The following MCM2 variants were observed in gnomAD, a reference collection of about 807,000 sequenced individuals.
MCM2 encodes DNA replication licensing factor MCM2.
MCM2 carries 49 observed loss-of-function variants against 86.4 expected under a neutral mutation model. The ratio of observed to expected loss-of-function variants is 0.57; its 90% CI spans 0.45 to 0.72. MCM2 has a LOEUF of 0.72. Among genes scored for constraint, MCM2 ranks in the 30% least tolerant of loss-of-function variants. The pLI is 0.00. For missense variants in MCM2, 1,038 were observed against 1,259.9 expected (o/e 0.82, Z 2.67); for synonymous variants, 475 against 484.6 (o/e 0.98, Z 0.26).
chr3:127,609,997 A>C (rs1383413280), intron 8 of MCM2, among the ~76,000 whole-genome samples: 1 of 151,740 alleles, frequency 6.6e-6, no homozygotes, highest in African/African-American at 2.4e-5. Context: ...GGCACACATC[A>C]CCGCACCTGA....
chr3:127,604,893 C>T lies in MCM2; in HGVS notation c.413-3C>T, dbSNP rs1271487161. The stretch of plus-strand genomic sequence containing the variant: ...CAGTAGCAGGTGTCTCTTGCCTCCC[C>T]AGACAGCGATGAGGAGGACGAGGAG... On this transcript the variant is annotated splice_polypyrimidine_tract_variant and splice_region_variant and intron_variant, in intron 3 of 15. Coordinates refer to ENST00000265056, the MANE Select transcript of MCM2 (RefSeq NM_004526.4). 1 of 1,607,054 alleles carries T rather than the reference C, an allele frequency of 6.2e-7. No homozygotes were observed. The highest frequency in any genetic ancestry group is 8.5e-7 in the Non-Finnish European group (1 of 1,176,746).
chr3:127,616,279 T>C (rs2074431632), intron 9 of MCM2, among the ~76,000 whole-genome samples: 1 of 152,206 alleles, frequency 6.6e-6, no homozygotes, highest in African/African-American at 2.4e-5. Context: ...GACACATGAG[T>C]TTGTATTTAT....
At position 127,620,863 on chromosome 3, in the gene MCM2, A is replaced by G. The variant is rs150230243; in HGVS notation, c.2431A>G (p.Met811Val). 2.8e-4 allele frequency: 447 copies of G among 1,606,992 alleles called. 2 individuals carry two copies. The Middle Eastern group carries it at 8.3e-3, about 30-fold the overall frequency. Residue 811 changes from methionine to valine, a missense_variant, in exon 14 of 16, where the codon ATG becomes GTG. Coordinates refer to ENST00000265056, the MANE Select transcript of MCM2 (RefSeq NM_004526.4). ...CATAGACACACAGAAGTTCAGCGTC[A>G]TGCGCAGCATGCGCAAGGTGGGTGT... is the stretch of plus-strand genomic sequence containing the variant. ...SFIDTQKFSV[M>V]RSMRKTFARY... is the part of the protein sequence containing the mutation.
At chr3:127,621,051 G>A in intron 14 of MCM2, 22 bp from the exon 15 acceptor site, 1 of 1,613,210 alleles carries the variant, frequency 6.2e-7, no homozygotes, top group Admixed American at 1.7e-5. Context: ...GCGGGTGTTT[G>A]ACTGAGGCTT....
chr3:127,609,673 G>A (rs2074378065), intron 8 of MCM2, among the ~76,000 whole-genome samples: 1 of 151,852 alleles, frequency 6.6e-6, no homozygotes, highest in Admixed American at 6.6e-5. Flanking sequence ...GATTTATGTT[G>A]CAGAAATACG....
chr3:127,603,819 G>A (rs962757744), intron 2 of MCM2, among the ~76,000 whole-genome samples: 1 of 152,082 alleles, frequency 6.6e-6, no homozygotes, highest in African/African-American at 2.4e-5. Context: ...ATGACACTAC[G>A]CCCAGCTAAT....
rs761696595 is a variant in MCM2, at chr3:127,608,416, A to G, written c.1136A>G (p.Gln379Arg). 3.1e-6 allele frequency: 5 copies of G among 1,614,250 alleles called. No homozygotes were observed. Among genetic ancestry groups the G allele is most frequent in the Non-Finnish European group, 4.2e-6 (5 of 1,180,042 alleles). The change falls in exon 7 of 16, where the codon CAG becomes CGG. Residue 379 changes from glutamine (Q) to arginine (R), a missense_variant. By Grantham distance (43) the Gln-to-Arg change is conservative. Coordinates refer to ENST00000265056, the MANE Select transcript of MCM2 (RefSeq NM_004526.4). ...IYQNYQRIRIQESPGKVAAGR... is the reference protein window; with the variant it reads ...IYQNYQRIRIRESPGKVAAGR... Reference sequence around the variant, plus strand: ...CAGAACTACCAGCGTATCCGAATCCAGGAGAGTCCAGGCAAAGTGGCGGCT... The same window carrying G: ...CAGAACTACCAGCGTATCCGAATCCGGGAGAGTCCAGGCAAAGTGGCGGCT...
Position 127,621,049 on chromosome 3 carries a change from TTGAC to T in MCM2, c.2449-20_2449-17del. 2 of 1,612,996 alleles carry T rather than the reference TTGAC, an allele frequency of 1.2e-6. No homozygotes were observed. The highest frequency in any genetic ancestry group is 1.7e-6 in the Non-Finnish European group (2 of 1,179,340). On this transcript the variant is annotated intron_variant, in intron 14 of 15. Transcript: ENST00000265056. ...TGGCAGGCGTAGTGGGAGCGGGTGTTTGACTGAGGCTTTTTTCCTGCAGACTTTT... is the reference window on the plus strand; with the variant it reads ...TGGCAGGCGTAGTGGGAGCGGGTGTTTGAGGCTTTTTTCCTGCAGACTTTT...
chr3:127,598,584 C>T (rs2074276173), intron 1 of MCM2, 112 bp downstream of exon 1: 6 of 1,396,976 alleles, frequency 4.3e-6, no homozygotes, highest in Non-Finnish European at 5.8e-6. Flanking sequence ...GGCTGGGCCC[C>T]AGGCTCTGGG....
chr3:127,615,025 A>T lies in MCM2; in HGVS notation c.1429-837A>T, dbSNP rs368660169. ...TAAAGCTGCATGAATTTGATGGTGC[A>T]GGCAGGACATACAGGATGCAGCCTG... On this transcript the variant is annotated intron_variant, in intron 8 of 15. Coordinates refer to ENST00000265056, the MANE Select transcript of MCM2 (RefSeq NM_004526.4). 2.0e-5 allele frequency among the ~76,000 whole-genome samples: 3 copies of T among 152,348 alleles called. No homozygotes were observed. In the East Asian group the frequency reaches 5.8e-4, roughly 29 times the overall value.
At chr3:127,613,990 C>G (rs964170584) in intron 8 of MCM2, among the ~76,000 whole-genome samples, 2 of 152,210 alleles carry the variant, frequency 1.3e-5, no homozygotes, top group Non-Finnish European at 2.9e-5. Context: ...CTTTTATCCT[C>G]CATTCATGAG....
In MCM2 at chr3:127,606,645, G is replaced by A; in HGVS notation, c.929G>A (p.Gly310Glu). Residue 310 changes from glycine (G) to glutamate (E), a missense_variant, in exon 6 of 16, where the codon GGG (glycine) becomes GAG (glutamate). Coordinates refer to ENST00000265056, the MANE Select transcript of MCM2 (RefSeq NM_004526.4). This position sits in a 1 kb window ranked among gnomAD's most constrained non-coding sequence, Gnocchi z 4.2. ...LHLNQLIRTS[G>E]VVTSCTGVLP... The stretch of plus-strand genomic sequence containing the variant: ...CTGAACCAGCTGATCCGCACCAGTG[G>A]GGTGGTGACCAGCTGCACTGGCGTC... 1.2e-6 allele frequency: 2 copies of A among 1,614,186 alleles called. No individual in the cohort carries two copies. Among genetic ancestry groups the A allele is most frequent in the Non-Finnish European group, 1.7e-6 (2 of 1,180,046 alleles).
intron 8 of MCM2, among the ~76,000 whole-genome samples, chr3:127,610,132 C>T (rs1252055683): frequency 6.6e-6 from 1 of 152,152 alleles, no homozygotes; most frequent in African/African-American, 2.4e-5. Flanking sequence ...GTGTGAGGCA[C>T]CACGCCCGGC....
At chr3:127,609,155 C>A in intron 8 of MCM2, 132 bp downstream of exon 8, 1 of 927,882 alleles carries the variant, frequency 1.1e-6, no homozygotes, top group Non-Finnish European at 1.6e-6. Context: ...GTAAGCTTGT[C>A]TGGAAGGGAG....
intron 2 of MCM2, 27 bp downstream of exon 2, chr3:127,599,574 A>T (rs1190808127): frequency 6.3e-7 from 1 of 1,585,904 alleles, no homozygotes; most frequent in Non-Finnish European, 8.6e-7. Flanking sequence ...CCCTGGACTC[A>T]GCAGATAGTT....
chr3:127,605,654 G>A (rs2074341756), intron 4 of MCM2, among the ~76,000 whole-genome samples: 1 of 151,758 alleles, frequency 6.6e-6, no homozygotes, highest in East Asian at 1.9e-4. Context: ...TGGTCAGACT[G>A]GTCTCAAACT....
intron 2 of MCM2, among the ~76,000 whole-genome samples, chr3:127,602,162 CTTTT>C (rs201744525): frequency 1.6e-5 from 2 of 127,940 alleles, no homozygotes; most frequent in African/African-American, 2.9e-5. Flanking sequence ...TCCAGTTTAA[CTTTT>C]TTTTTTTTTT....
chr3:127,612,714 C>T (rs982253724), intron 8 of MCM2, among the ~76,000 whole-genome samples: 1 of 152,126 alleles, frequency 6.6e-6, no homozygotes, highest in African/African-American at 2.4e-5. Flanking sequence ...CTGGGTGGAG[C>T]TCACAGTACC....
Position 127,599,395 on chromosome 3 carries a change from T to G in MCM2, c.84T>G (p.Pro28=). 1 of 1,614,148 alleles carries G rather than the reference T, an allele frequency of 6.2e-7. No individual in the cohort carries two copies. The highest frequency in any genetic ancestry group is 8.5e-7 in the Non-Finnish European group (1 of 1,180,024). Residue 28 remains proline, a synonymous_variant, in exon 2 of 16, where the codon CCT becomes CCG. Transcript: ENST00000265056. ...GCAATGATCCTCTCACCTCCAGCCC[T>G]GGCCGAAGCTCCCGGCGTACTGATG... ...RRGNDPLTSS[P]GRSSRRTDAL... is the part of the protein sequence containing the mutation.
Sources: allele counts gnomAD v4.1 joint callset (sites outside exome capture counted in the v4.1 genomes callset), GRCh38; gene constraint gnomAD v4.1.1; non-coding constraint Gnocchi (gnomAD v3.1); transcripts MANE v1.5; gene names NCBI Gene and HGNC (gene_info 2026-07-23, HGNC 2026-07-21).